The following CERS5 variants were observed in gnomAD, a reference collection of about 807,000 sequenced individuals.
CERS5 encodes ceramide synthase 5.
CERS5 carries 37 observed loss-of-function variants against 58.9 expected under a neutral mutation model. That is an observed-to-expected ratio of 0.63 (90% CI 0.48 to 0.83). The LOEUF is 0.83. Among genes scored for constraint, CERS5 ranks in the 40% least tolerant of loss-of-function variants. CERS5 has a pLI of 0.00. For missense variants in CERS5, 398 were observed against 489.3 expected (o/e 0.81, Z 1.76); for synonymous variants, 147 against 177.8 (o/e 0.83, Z 1.38).
At chr12:50,153,891 T>G (rs1384753544) in intron 1 of CERS5, 12 of 415,210 alleles carry the variant, frequency 2.9e-5, no homozygotes, top group African/African-American at 6.3e-5. Context: ...GAGGCAGAGG[T>G]TGCAGTGAGC....
chr12:50,146,744 G>A (rs1430420047), intron 1 of CERS5, among the ~76,000 whole-genome samples: 1 of 151,036 alleles, frequency 6.6e-6, no homozygotes, highest in Non-Finnish European at 1.5e-5. Context: ...CTACTCGGGA[G>A]ACTGAGGCGG....
intron 9 of CERS5, 113 bp downstream of exon 9, chr12:50,134,433 T>G: frequency 6.2e-7 from 1 of 1,606,694 alleles, no homozygotes; most frequent in Non-Finnish European, 8.5e-7. Context: ...CCTAGGCTTT[T>G]TGCTTGGCCT....
At chr12:50,149,824 C>T (rs182074099) in intron 1 of CERS5, among the ~76,000 whole-genome samples, 100 of 152,276 alleles carry the variant, frequency 6.6e-4, no homozygotes, top group Non-Finnish European at 1.1e-3. Context: ...ACTGCAACCT[C>T]CGCCTCCCAG....
chr12:50,130,852 C>T (rs1165348892), intron 9 of CERS5, among the ~76,000 whole-genome samples, 158 bp from the exon 10 acceptor site: 1 of 152,172 alleles, frequency 6.6e-6, no homozygotes, highest in Non-Finnish European at 1.5e-5. Flanking sequence ...ACTGTTGTGA[C>T]TATGCTTTAC....
At chr12:50,154,441 T>A (rs1317601426) in intron 1 of CERS5, 2 of 157,144 alleles carry the variant, frequency 1.3e-5, no homozygotes, top group Non-Finnish European at 2.9e-5. Flanking sequence ...ATTAAAATAC[T>A]TCCTGCTTTT....
intron 4 of CERS5, among the ~76,000 whole-genome samples, chr12:50,141,598 T>C (rs925804519): frequency 6.6e-6 from 1 of 152,048 alleles, no homozygotes; most frequent in Non-Finnish European, 1.5e-5. Flanking sequence ...GATATAAACC[T>C]GGGCTGTGGG....
intron 1 of CERS5, among the ~76,000 whole-genome samples, chr12:50,152,749 C>T (rs1266875840): frequency 2.0e-5 from 3 of 151,804 alleles, no homozygotes; most frequent in Non-Finnish European, 4.4e-5. Context: ...CGTTAGTCAG[C>T]TCTGAGTATT....
At position 50,167,082 on chromosome 12, in the gene CERS5, C is replaced by A. The variant is rs1448366997; in HGVS notation, c.197+19G>T. On this transcript the variant is annotated intron_variant, in intron 1 of 9. Coordinates refer to ENST00000317551, the MANE Select transcript of CERS5 (RefSeq NM_147190.5). ...CGGCCCGCGCCCGGCCCCCGAGCCG[C>A]TCGCTCCCGGGCTCTCACCGCTCGA... 4 of 1,506,552 alleles carry A rather than the reference C, an allele frequency of 2.7e-6. No homozygotes were observed. In the African/African-American group the frequency reaches 4.3e-5, roughly 16 times the overall value. The allele number at this position is 1,506,552 out of a possible 1,614,324, so 93.3% of individuals were successfully genotyped here. A position where few individuals can be genotyped will look rare whatever the true frequency, so the allele number is the denominator to read the frequency against.
chr12:50,132,846 G>A, intron 9 of CERS5: 1 of 1,201,168 alleles, frequency 8.3e-7, no homozygotes, highest in South Asian at 1.5e-5. Context: ...CGAAAAGTCA[G>A]GAGAGAGGGC....
chr12:50,130,775 T>A, intron 9 of CERS5, 81 bp from the exon 10 acceptor site: 1 of 1,316,740 alleles, frequency 7.6e-7, no homozygotes, highest in Non-Finnish European at 1.0e-6. Flanking sequence ...GTGTGGGCAC[T>A]GTGTTCCCAG....
intron 8 of CERS5, 50 bp downstream of exon 8, chr12:50,135,682 A>T: frequency 7.7e-7 from 1 of 1,292,304 alleles, no homozygotes; most frequent in Non-Finnish European, 1.1e-6. Context: ...ATTGGCAAAA[A>T]GGTATCATTA....
At chr12:50,148,079 G>A (rs1057204485) in intron 1 of CERS5, among the ~76,000 whole-genome samples, 4 of 151,552 alleles carry the variant, frequency 2.6e-5, no homozygotes, top group African/African-American at 9.7e-5. Flanking sequence ...GAGACAGGTG[G>A]ATCACTTGAG....
chr12:50,156,140 G>A (rs1355551361), intron 1 of CERS5, among the ~76,000 whole-genome samples: 7 of 132,420 alleles, frequency 5.3e-5, no homozygotes, highest in African/African-American at 1.1e-4. Flanking sequence ...GGTGGCTCAC[G>A]CCTGTAATCC....
At chr12:50,137,120 G>A (rs1192174537) in intron 6 of CERS5, among the ~76,000 whole-genome samples, 1 of 152,140 alleles carries the variant, frequency 6.6e-6, no homozygotes, top group East Asian at 1.9e-4. Context: ...AGAGCTGCTA[G>A]AACCACATTA....
intron 1 of CERS5, among the ~76,000 whole-genome samples, chr12:50,163,053 C>T (rs1041762951): frequency 6.6e-6 from 1 of 152,054 alleles, no homozygotes; most frequent in Non-Finnish European, 1.5e-5. Flanking sequence ...TGCATGCCAC[C>T]ACATCTGGCT....
chr12:50,167,203 A>G lies in CERS5; in HGVS notation c.95T>C (p.Leu32Pro). 1 of 1,607,268 alleles carries G rather than the reference A, an allele frequency of 6.2e-7. No homozygotes were observed. Among genetic ancestry groups the G allele is most frequent in the Non-Finnish European group, 8.5e-7 (1 of 1,178,294 alleles). ...WLPENVSWAD[L>P]EGPADGYGYP... ...ACCGTAGCCGTCGGCCGGCCCCTCC[A>G]GATCAGCCCAGCTCACGTTCTCGGG... Residue 32 changes from leucine (L) to proline (P), a missense_variant, in exon 1 of 10, where the codon CTG becomes CCG. This residue lies in a region of CERS5 where 328 missense variants were observed against 384.5 expected (regional missense o/e 0.85). Transcript: ENST00000317551.
intron 4 of CERS5, 24 bp downstream of exon 4, chr12:50,142,029 G>A: frequency 7.0e-7 from 1 of 1,421,170 alleles, no homozygotes; most frequent in Non-Finnish European, 9.9e-7. Flanking sequence ...ACCCAACAGA[G>A]GACTAGAGAA....
chr12:50,132,317 G>T (rs921584805), intron 9 of CERS5, among the ~76,000 whole-genome samples: 2 of 151,444 alleles, frequency 1.3e-5, no homozygotes, highest in Admixed American at 6.6e-5. Context: ...CAGGAGACTC[G>T]CTTGAACTGG....
At chr12:50,158,498 T>A (rs1362854786) in intron 1 of CERS5, among the ~76,000 whole-genome samples, 1 of 152,180 alleles carries the variant, frequency 6.6e-6, no homozygotes, top group African/African-American at 2.4e-5. Flanking sequence ...TGTTGAAGAA[T>A]GAACAGATGA....
Sources: allele counts gnomAD v4.1 joint callset (sites outside exome capture counted in the v4.1 genomes callset), GRCh38; gene constraint gnomAD v4.1.1; regional missense constraint gnomAD v4.1.1; transcripts MANE v1.5; gene names NCBI Gene and HGNC (gene_info 2026-07-23, HGNC 2026-07-21).